Variants in ANKRD30B observed in about 807,000 individuals in gnomAD.
The protein encoded by ANKRD30B is ankyrin repeat domain-containing protein 30B.
A neutral mutation model predicts 202.2 loss-of-function variants in ANKRD30B; 144 were observed. The ratio of observed to expected loss-of-function variants is 0.71; its 90% CI spans 0.62 to 0.82. ANKRD30B has a LOEUF of 0.82. Among genes scored for constraint, ANKRD30B ranks in the 40% least tolerant of loss-of-function variants. The pLI, the probability that ANKRD30B is intolerant of heterozygous loss-of-function variation, is 0.00. For synonymous variants in ANKRD30B, 508 were observed against 561.3 expected (o/e 0.91, Z 1.34); for missense variants, 1,487 against 1,669.1 (o/e 0.89, Z 1.90).
At chr18:14,765,588 T>C (rs1298435730) in intron 7 of ANKRD30B, among the ~76,000 whole-genome samples, 1 of 152,174 alleles carries the variant, frequency 6.6e-6, no homozygotes, top group Non-Finnish European at 1.5e-5. Context: ...ATAGGCATGA[T>C]TGCACTCCAA....
Position 14,791,409 on chromosome 18 carries a change from T to G in ANKRD30B, c.1743T>G (p.Cys581Trp). 1 of 1,608,028 alleles carries G rather than the reference T, an allele frequency of 6.2e-7. No individual in the cohort carries two copies. Among genetic ancestry groups the G allele is most frequent in the Non-Finnish European group, 8.5e-7 (1 of 1,177,730 alleles). ...EENSWDSESP[C>W]ETVSQKDVYL... ...GATATTACTTTTAACAGAGTCCCTG[T>G]GAGACGGTTTCACAGAAGGATGTGT... The change falls in exon 16 of 44, where the codon TGT becomes TGG. Residue 581 changes from cysteine (C) to tryptophan (W), a missense_variant. By Grantham distance (215) the Cys-to-Trp change is radical. This residue lies in a region of ANKRD30B where 889 missense variants were observed against 841.4 expected (regional missense o/e 1.06). Coordinates refer to ENST00000690538, the MANE Select transcript of ANKRD30B (RefSeq NM_001367607.2).
chr18:14,868,004 G>A, the ANKRD30B span, among the ~76,000 whole-genome samples: 1 of 152,356 alleles, frequency 6.6e-6, no homozygotes, highest in South Asian at 2.1e-4. Flanking sequence ...GCACAGCTCT[G>A]TGATTCATCT....
chr18:14,839,427 G>C (rs1971319309), intron 36 of ANKRD30B, among the ~76,000 whole-genome samples: 1 of 152,094 alleles, frequency 6.6e-6, no homozygotes, highest in Non-Finnish European at 1.5e-5. Flanking sequence ...GACCATATTT[G>C]TTCATCATTT....
intron 39 of ANKRD30B, among the ~76,000 whole-genome samples, chr18:14,844,391 C>T (rs1199324319): frequency 6.6e-6 from 1 of 152,130 alleles, no homozygotes; most frequent in South Asian, 2.1e-4. Flanking sequence ...TGTTGTAACA[C>T]ATTATTTCCC....
chr18:14,827,716 A>G (rs1329221807), intron 32 of ANKRD30B, among the ~76,000 whole-genome samples: 2 of 152,166 alleles, frequency 1.3e-5, no homozygotes, highest in Non-Finnish European at 2.9e-5. Context: ...TTGTCTAGAA[A>G]TTATACTTTC....
intron 15 of ANKRD30B, among the ~76,000 whole-genome samples, chr18:14,788,472 C>A (rs923234533): frequency 1.3e-5 from 2 of 152,034 alleles, no homozygotes; most frequent in Non-Finnish European, 2.9e-5. Flanking sequence ...TATATGTGAG[C>A]CATGCTGGTG....
chr18:14,809,230 T>C (rs1969759657), intron 26 of ANKRD30B, among the ~76,000 whole-genome samples: 1 of 151,022 alleles, frequency 6.6e-6, no homozygotes, highest in South Asian at 2.1e-4. Context: ...AACTAACATC[T>C]GTATGCAGAA....
chr18:14,898,083 T>G, the ANKRD30B span, among the ~76,000 whole-genome samples: 1 of 152,218 alleles, frequency 6.6e-6, no homozygotes, highest in Non-Finnish European at 1.5e-5. Context: ...AGTTTTTGTG[T>G]AACCAATTCT....
At chr18:14,779,653 T>C (rs144986022) in intron 10 of ANKRD30B, among the ~76,000 whole-genome samples, 2,441 of 152,300 alleles carry the variant, frequency 0.016, 72 homozygotes, top group African/African-American at 0.056. Context: ...TCTGAGTGAA[T>C]AGCAAATTTC....
chr18:14,931,097 C>T, the ANKRD30B span, among the ~76,000 whole-genome samples: 1,792 of 152,300 alleles, frequency 0.012, 36 homozygotes, highest in African/African-American at 0.041. Context: ...CAGCCCTGCA[C>T]CCAGAGCCCT....
chr18:14,911,317 G>T, the ANKRD30B span, among the ~76,000 whole-genome samples: 1 of 151,972 alleles, frequency 6.6e-6, no homozygotes, highest in South Asian at 2.1e-4. Flanking sequence ...GAGAGGTAAG[G>T]GTACAGTCTC....
At chr18:14,842,216 T>G (rs920575041) in intron 37 of ANKRD30B, among the ~76,000 whole-genome samples, 2 of 152,220 alleles carry the variant, frequency 1.3e-5, no homozygotes, top group Non-Finnish European at 2.9e-5. Flanking sequence ...TATGCAATAT[T>G]TTTTAATGAG....
At chr18:14,751,683 A>G (rs1410375472) in intron 1 of ANKRD30B, among the ~76,000 whole-genome samples, 4 of 152,184 alleles carry the variant, frequency 2.6e-5, no homozygotes, top group Admixed American at 6.5e-5. Context: ...AGCCATACCT[A>G]TTTATTTGAA....
chr18:14,835,942 A>G (rs1598701407), intron 34 of ANKRD30B, among the ~76,000 whole-genome samples: 6 of 152,108 alleles, frequency 3.9e-5, no homozygotes, highest in African/African-American at 1.4e-4. Context: ...CATATTGCAA[A>G]AAATATTTCA....
At position 14,847,093 on chromosome 18, in the gene ANKRD30B, T is replaced by TATAG. The variant is rs1292553217; in HGVS notation, c.3182-1623_3182-1622insATAG. ...ATATATATATATATATATATATATA[T>TATAG]GTATAATGTTTTTTAGTTATTGATC... On this transcript the variant is annotated intron_variant, in intron 39 of 43. Coordinates refer to ENST00000690538, the MANE Select transcript of ANKRD30B (RefSeq NM_001367607.2). Among the ~76,000 whole-genome samples, 484 of 131,100 alleles carry TATAG rather than the reference T, an allele frequency of 3.7e-3. 6 individuals carry two copies. Among genetic ancestry groups the TATAG allele is most frequent in the African/African-American group, 0.013 (443 of 34,754 alleles). 86.0% of individuals were successfully genotyped at this position (131,100 alleles called of 152,430 possible). A position where few individuals can be genotyped will look rare whatever the true frequency, so the allele number is the denominator to read the frequency against.
At chr18:14,838,410 A>G (rs1971271053) in intron 36 of ANKRD30B, among the ~76,000 whole-genome samples, 1 of 152,216 alleles carries the variant, frequency 6.6e-6, no homozygotes, top group Non-Finnish European at 1.5e-5. Context: ...ATTATCCAGT[A>G]TAGATCTGAA....
At chr18:14,791,562 T>C (rs71364854) in intron 16 of ANKRD30B, 71 bp downstream of exon 16, 3 of 1,230,520 alleles carry the variant, frequency 2.4e-6, no homozygotes, top group African/African-American at 3.1e-5. Flanking sequence ...AAGGATATCC[T>C]CTAATAGATG....
At chr18:14,858,646 G>A (rs1284516902), downstream of ANKRD30B, among the ~76,000 whole-genome samples, 16 of 131,646 alleles carry the variant, frequency 1.2e-4, no homozygotes, top group Non-Finnish European at 2.2e-4. Context: ...CCTACCAGAC[G>A]AAGGGCAGCC....
In ANKRD30B at chr18:14,797,769, C is replaced by T. The variant is rs760884585; in HGVS notation, c.1957-13C>T. The T allele has an allele frequency of 9.5e-5, 149 of 1,575,684 alleles. No individual in the cohort carries two copies. The highest frequency in any genetic ancestry group is 3.4e-4 in the Middle Eastern group (2 of 5,904). ...CATTATATATTAATTTTTGTGTTTCCGAACCCATTTAGCCTACCTGTGGAA... is the reference window on the plus strand; with the variant it reads ...CATTATATATTAATTTTTGTGTTTCTGAACCCATTTAGCCTACCTGTGGAA... On this transcript the variant is annotated splice_polypyrimidine_tract_variant and intron_variant, in intron 19 of 43. Transcript: ENST00000690538.
Sources: allele counts gnomAD v4.1 joint callset (sites outside exome capture counted in the v4.1 genomes callset), GRCh38; gene constraint gnomAD v4.1.1; regional missense constraint gnomAD v4.1.1; transcripts MANE v1.5; gene names NCBI Gene and HGNC (gene_info 2026-07-23, HGNC 2026-07-21).